The following ABCA8 variants were observed in gnomAD, a reference collection of about 807,000 sequenced individuals.
ABCA8 encodes the protein ATP binding cassette subfamily A member 8.
ABCA8 carries 177 observed loss-of-function variants against 192.3 expected under a neutral mutation model. That is an observed-to-expected ratio of 0.92 (90% CI 0.81 to 1.04). The LOEUF is 1.04. ABCA8 is among the 50% of genes least tolerant of loss of function. The pLI is 0.00. For missense variants in ABCA8, 1,915 were observed against 1,904.8 expected, an observed-to-expected ratio of 1.01 and a Z score of -0.10; for synonymous variants, 642 against 690.2, an observed-to-expected ratio of 0.93 and a Z score of 1.09.
At chr17:68,921,788 T>C (rs142006527) in intron 12 of ABCA8, among the ~76,000 whole-genome samples, 88 of 152,322 alleles carry the variant, frequency 5.8e-4, no homozygotes, top group African/African-American at 1.9e-3. Flanking sequence ...GGTAGGTCAA[T>C]GTTAGTATTT....
chr17:68,885,626 C>T (rs567887043), intron 26 of ABCA8, among the ~76,000 whole-genome samples: 1 of 152,044 alleles, frequency 6.6e-6, no homozygotes, highest in Non-Finnish European at 1.5e-5. Context: ...TGGCTCACTG[C>T]AGCCTCAAAC....
chr17:68,952,346 G>A (rs889223571), intron 1 of ABCA8, among the ~76,000 whole-genome samples: 1 of 152,092 alleles, frequency 6.6e-6, no homozygotes, highest in African/African-American at 2.4e-5. Flanking sequence ...AGCCTCCCGA[G>A]TAGCTGGGAT....
chr17:68,870,063 T>G (rs1042185379), intron 37 of ABCA8, among the ~76,000 whole-genome samples: 1 of 152,282 alleles, frequency 6.6e-6, no homozygotes, highest in Non-Finnish European at 1.5e-5. Context: ...CCAGCTGGTT[T>G]GAACCCAAGC....
rs368314276 is a variant in ABCA8 at position 68,894,306 on chromosome 17, T to C, written c.2903A>G (p.Tyr968Cys). 4.9e-5 allele frequency: 79 copies of C among 1,605,884 alleles called. No homozygotes were observed. The highest frequency in any genetic ancestry group is 6.3e-5 in the Non-Finnish European group (74 of 1,177,656). ...GGCATTGCATGCTAACGAAAAGCTG[T>C]AATTCTAAAATATAACAAGTAGGAT... ...AITVCCNEKN[Y>C]SFSLACNAKR... is the part of the protein sequence containing the mutation. Residue 968 changes from tyrosine (Y) to cysteine (C), a missense_variant, in exon 23 of 40, where the codon TAC (tyrosine) becomes TGC (cysteine). Physicochemically the swap from Tyr to Cys is radical, Grantham distance 194. Transcript: ENST00000586539.
intron 17 of ABCA8, among the ~76,000 whole-genome samples, chr17:68,910,622 C>T (rs1004488385): frequency 8.5e-5 from 13 of 152,156 alleles, no homozygotes; most frequent in African/African-American, 3.1e-4. Context: ...AAGGGAGTGC[C>T]TGTTTCACCC....
intron 38 of ABCA8, among the ~76,000 whole-genome samples, chr17:68,869,046 T>C (rs1486979633): frequency 1.3e-5 from 2 of 152,138 alleles, no homozygotes; most frequent in Non-Finnish European, 2.9e-5. Context: ...TTCCTGATGC[T>C]CTAGCAAGTT....
At chr17:68,938,038 T>C (rs1166196810) in intron 4 of ABCA8, among the ~76,000 whole-genome samples, 1 of 152,148 alleles carries the variant, frequency 6.6e-6, no homozygotes, top group Non-Finnish European at 1.5e-5. Flanking sequence ...TTCCTGACAT[T>C]GGGTCTTGTT....
chr17:68,882,778 T>G, intron 29 of ABCA8, 59 bp from the exon 30 acceptor site: 1 of 1,556,452 alleles, frequency 6.4e-7, no homozygotes, highest in Non-Finnish European at 8.7e-7. Context: ...TATCAAAAGT[T>G]GCATTATTTA....
intron 11 of ABCA8, among the ~76,000 whole-genome samples, chr17:68,923,964 T>C (rs1298458429): frequency 6.6e-6 from 1 of 152,212 alleles, no homozygotes; most frequent in East Asian, 1.9e-4. Flanking sequence ...TCTCCCTGAA[T>C]TCCCTTTGTA....
chr17:68,911,990 TG>T lies in ABCA8; in HGVS notation c.2139-4112del. Among the ~76,000 whole-genome samples the T allele has an allele frequency of 6.6e-6, 1 of 152,044 alleles. No individual in the cohort carries two copies. The stretch of plus-strand genomic sequence containing the variant: ...ACTTGGAAAGCCTTCCCAAGAAGGA[TG>T]GGTACAAACAAGCCCAGACTGTGAA... On this transcript the variant is annotated intron_variant, in intron 17 of 39. Coordinates refer to ENST00000586539, the MANE Select transcript of ABCA8 (RefSeq NM_001288985.2). The surrounding 1 kb of genome is among the most constrained non-coding windows in gnomAD (Gnocchi z 5.7).
chr17:68,897,903 G>T (rs530235902), intron 21 of ABCA8, among the ~76,000 whole-genome samples: 9 of 152,288 alleles, frequency 5.9e-5, no homozygotes, highest in Non-Finnish European at 1.2e-4. Context: ...TACAGAAGGA[G>T]AGGAGAGAGA....
At chr17:68,880,662 G>A (rs760753182) in intron 32 of ABCA8, 8 of 167,928 alleles carry the variant, frequency 4.8e-5, no homozygotes, top group South Asian at 1.6e-4. Flanking sequence ...TGGAGGTGGC[G>A]CCTGTGCCAG....
Position 68,921,371 on chromosome 17 carries a change from C to A in ABCA8, c.1612+11G>T. On this transcript the variant is annotated intron_variant, in intron 13 of 39. Coordinates refer to ENST00000586539, the MANE Select transcript of ABCA8 (RefSeq NM_001288985.2). The stretch of plus-strand genomic sequence containing the variant: ...ATAATTTAAAAAAAAAGAAAACAAA[C>A]TAGTTTGTACCTTTGGTGGGAACAG... The A allele has an allele frequency of 6.4e-7, 1 of 1,573,758 alleles. No individual in the cohort carries two copies. Among genetic ancestry groups the A allele is most frequent in the Non-Finnish European group, 8.6e-7 (1 of 1,157,616 alleles).
At chr17:68,897,627 C>T (rs2066799431) in intron 21 of ABCA8, among the ~76,000 whole-genome samples, 1 of 152,100 alleles carries the variant, frequency 6.6e-6, no homozygotes, top group Admixed American at 6.6e-5. Flanking sequence ...ATGACAATGT[C>T]TCACCAAACA....
chr17:68,942,944 C>A (rs1240674956), intron 2 of ABCA8, among the ~76,000 whole-genome samples: 1 of 152,068 alleles, frequency 6.6e-6, no homozygotes, highest in Non-Finnish European at 1.5e-5. Flanking sequence ...TAAATACATC[C>A]TTGAACACCC....
chr17:68,947,763 CAT>C (rs1255872105), intron 2 of ABCA8, among the ~76,000 whole-genome samples: 1 of 151,996 alleles, frequency 6.6e-6, no homozygotes, highest in African/African-American at 2.4e-5. Flanking sequence ...GTTCTGGGAT[CAT>C]GTGCAGAATG....
chr17:68,923,200 A>AT (rs1183676260), intron 11 of ABCA8, among the ~76,000 whole-genome samples: 68 of 108,314 alleles, frequency 6.3e-4, no homozygotes, highest in African/African-American at 1.9e-3. Flanking sequence ...TATTATTATT[A>AT]TTATTATTTT....
intron 2 of ABCA8, among the ~76,000 whole-genome samples, chr17:68,945,615 A>T (rs2143793583): frequency 1.3e-5 from 2 of 152,282 alleles, no homozygotes; most frequent in South Asian, 4.1e-4. Flanking sequence ...TCTTTCATAC[A>T]TCTGAGTTTA....
intron 28 of ABCA8, 29 bp downstream of exon 28, chr17:68,884,302 A>T (rs1016614595): frequency 3.9e-6 from 6 of 1,526,610 alleles, no homozygotes; most frequent in Non-Finnish European, 5.2e-6. Flanking sequence ...GTAAAAAGTG[A>T]TAATTTTTAA....
Sources: gnomAD v4.1 joint callset for allele counts (sites outside exome capture counted in the v4.1 genomes callset) on GRCh38, gnomAD v4.1.1 for gene constraint, Gnocchi (gnomAD v3.1) non-coding constraint, MANE v1.5 for transcripts, NCBI Gene and HGNC (gene_info 2026-07-23, HGNC 2026-07-21) for gene names.